The following AFF2 variants were observed in gnomAD, a reference collection of about 807,000 sequenced individuals.
The protein encoded by AFF2 is ALF transcription elongation factor 2.
AFF2 carries 14 observed loss-of-function variants against 76.9 expected under a neutral mutation model. The ratio of observed to expected loss-of-function variants is 0.18; its 90% CI spans 0.12 to 0.28. AFF2 has a LOEUF of 0.28. AFF2 is among the 10% of genes least tolerant of loss of function. AFF2 has a pLI of 1.00. For synonymous variants in AFF2, 398 were observed against 366.7 expected, an observed-to-expected ratio of 1.09 and a Z score of -0.98; for missense variants, 868 against 1,001.1, an observed-to-expected ratio of 0.87 and a Z score of 1.79.
intron 1 of AFF2, among the ~76,000 whole-genome samples, chrX:148,531,781 A>G (rs1293680447): frequency 5.3e-5 from 6 of 112,604 alleles, no homozygotes; most frequent in Admixed American, 4.7e-4. Context: ...ATATTTGACT[A>G]TTTTAACAGC....
At chrX:148,729,025 G>A (rs782552010) in intron 3 of AFF2, among the ~76,000 whole-genome samples, 3 of 112,161 alleles carry the variant, frequency 2.7e-5, no homozygotes, top group African/African-American at 6.5e-5. Context: ...GTCTACACAC[G>A]TAGTTGTGTA....
intron 1 of AFF2, among the ~76,000 whole-genome samples, chrX:148,567,002 T>C (rs1569551364): frequency 8.9e-6 from 1 of 111,855 alleles, no homozygotes; most frequent in Non-Finnish European, 1.9e-5. Context: ...TGCTGGACTA[T>C]GAACTCCAGT....
At chrX:148,711,048 AC>A (rs1391631637) in intron 3 of AFF2, among the ~76,000 whole-genome samples, 1 of 112,199 alleles carries the variant, frequency 8.9e-6, no homozygotes, top group Non-Finnish European at 1.9e-5. Flanking sequence ...AAATGTGCCA[AC>A]CATAGTCAAA....
At chrX:148,575,302 T>G (rs1356312854) in intron 1 of AFF2, among the ~76,000 whole-genome samples, 2 of 111,239 alleles carry the variant, frequency 1.8e-5, no homozygotes, top group African/African-American at 6.5e-5. Flanking sequence ...AGCATTTAAT[T>G]CACGAAAAGG....
At chrX:148,910,921 G>A (rs1331010317) in intron 9 of AFF2, among the ~76,000 whole-genome samples, 8 of 111,430 alleles carry the variant, frequency 7.2e-5, no homozygotes, top group Non-Finnish European at 1.3e-4. Context: ...AATTGCATGC[G>A]TCAACTCCTT....
At chrX:148,978,586 C>CT in intron 18 of AFF2, 131 bp downstream of exon 18, 1 of 461,733 alleles carries the variant, frequency 2.2e-6, no homozygotes, top group Non-Finnish European at 3.7e-6. Context: ...CATGGCCGTC[C>CT]TACCCTTCCT....
chrX:148,762,004 GAT>G (rs2069451756), intron 3 of AFF2, among the ~76,000 whole-genome samples: 1 of 99,089 alleles, frequency 1.0e-5, no homozygotes, highest in African/African-American at 4.1e-5. Context: ...TATAGATATA[GAT>G]ATAGATAGAT....
chrX:148,800,436 A>G (rs782298548), intron 3 of AFF2, among the ~76,000 whole-genome samples: 65 of 112,352 alleles, frequency 5.8e-4, no homozygotes, highest in African/African-American at 2.0e-3. Flanking sequence ...GAATTTAGTT[A>G]AAGGAAAAAC....
intron 1 of AFF2, among the ~76,000 whole-genome samples, chrX:148,555,744 A>G (rs1557239580): frequency 1.8e-5 from 2 of 112,520 alleles, no homozygotes; most frequent in African/African-American, 6.5e-5. Flanking sequence ...TAAAATCACC[A>G]TAAGAAATCT....
At chrX:148,734,240 G>A (rs782284509) in intron 3 of AFF2, among the ~76,000 whole-genome samples, 2 of 111,866 alleles carry the variant, frequency 1.8e-5, no homozygotes, top group African/African-American at 3.2e-5. Flanking sequence ...TGCAGTAGCC[G>A]GCGAGGACTA....
intron 1 of AFF2, among the ~76,000 whole-genome samples, chrX:148,562,491 G>A (rs1418753369): frequency 2.7e-5 from 3 of 111,563 alleles, no homozygotes; most frequent in Non-Finnish European, 1.9e-5. Context: ...TCATAGCTAC[G>A]GGTAACAAGC....
chrX:148,659,942 G>GTGATTATTTGATTAC (rs1185850266), intron 2 of AFF2, among the ~76,000 whole-genome samples: 2 of 112,140 alleles, frequency 1.8e-5, no homozygotes, highest in Non-Finnish European at 3.8e-5. Context: ...TTTGAAAACA[G>GTGATTATTTGATTAC]AGTGATTATT....
At chrX:148,809,044 G>A (rs953459240) in intron 3 of AFF2, among the ~76,000 whole-genome samples, 28 of 111,223 alleles carry the variant, frequency 2.5e-4, no homozygotes, top group Non-Finnish European at 4.9e-4. Flanking sequence ...AGATGTGATC[G>A]GATTGCAATC....
intron 10 of AFF2, 62 bp downstream of exon 10, chrX:148,953,801 A>G (rs1453913746): frequency 2.4e-6 from 2 of 840,093 alleles, no homozygotes; most frequent in African/African-American, 2.2e-5. Flanking sequence ...CACCCTCAAC[A>G]CACACACACA....
In AFF2 at chrX:149,000,544, T is replaced by C. The variant is rs1370643249; in HGVS notation, c.*9212T>C. ...GGTTTTGTTGTTTTCCAACAAGATG[T>C]CTCTGTAAAAATGATATTGGCTGAG... On this transcript the variant is annotated 3_prime_UTR_variant, in exon 21 of 21. Coordinates refer to ENST00000370460, the MANE Select transcript of AFF2 (RefSeq NM_002025.4). 8.8e-6 allele frequency: 1 copy of C among 113,169 alleles called. No homozygotes were observed. The highest frequency in any genetic ancestry group is 1.9e-5 in the Non-Finnish European group (1 of 53,395). The allele number at this position is 113,169 out of a possible 1,213,427, so 9.3% of individuals were successfully genotyped here.
At position 148,709,234 on chromosome X, in the gene AFF2, C is replaced by T. The variant is rs143124947; in HGVS notation, c.1041+46466C>T. Among the ~76,000 whole-genome samples, 941 of 111,523 alleles carry T rather than the reference C, an allele frequency of 8.4e-3. 8 individuals are homozygous for T. The highest frequency in any genetic ancestry group is 0.029 in the African/African-American group (894 of 30,716). On this transcript the variant is annotated intron_variant, in intron 3 of 20. Coordinates refer to ENST00000370460, the MANE Select transcript of AFF2 (RefSeq NM_002025.4). The stretch of plus-strand genomic sequence containing the variant: ...AAAATACTAAAAAAATTTTTTTAGG[C>T]TAATCAAATTTTGGATTGACTGCCT...
intron 1 of AFF2, among the ~76,000 whole-genome samples, chrX:148,599,557 T>C (rs1189986342): frequency 9.0e-6 from 1 of 110,951 alleles, no homozygotes; most frequent in Non-Finnish European, 1.9e-5. Flanking sequence ...GCAGAAGATA[T>C]AGGCAATCAG....
intron 3 of AFF2, among the ~76,000 whole-genome samples, chrX:148,766,597 G>T (rs1175918647): frequency 2.8e-3 from 225 of 81,608 alleles, no homozygotes; most frequent in African/African-American, 4.0e-3. Context: ...TGTAGATTCT[G>T]GTTATTAGCC....
chrX:148,723,547 A>G (rs1484370733), intron 3 of AFF2, among the ~76,000 whole-genome samples: 2 of 112,131 alleles, frequency 1.8e-5, no homozygotes, highest in South Asian at 3.7e-4. Context: ...CCTTGTAAAC[A>G]TCTTGAGATG....
Sources: allele counts gnomAD v4.1 joint callset (sites outside exome capture counted in the v4.1 genomes callset), GRCh38; gene constraint gnomAD v4.1.1; transcripts MANE v1.5; gene names NCBI Gene and HGNC (gene_info 2026-07-23, HGNC 2026-07-21).